KLHL24: variants seen among roughly 807,000 people sequenced by gnomAD.
KLHL24 encodes the protein kelch like family member 24, also known as kelch-like protein 24.
KLHL24 carries 29 observed loss-of-function variants against 53.4 expected under a neutral mutation model. That is an observed-to-expected ratio of 0.54 (90% CI 0.40 to 0.74). The LOEUF (loss-of-function observed/expected upper bound fraction) is 0.74. KLHL24 is among the 30% of genes least tolerant of loss of function. KLHL24 has a pLI of 0.00. For synonymous variants in KLHL24, 222 were observed against 253.7 expected (o/e 0.88, Z 1.19); for missense variants, 504 against 744.0 (o/e 0.68, Z 3.75).
At position 183,681,137 on chromosome 3, in the gene KLHL24, T is replaced by C. The variant is rs1479013999; in HGVS notation, c.*1851T>C. The stretch of plus-strand genomic sequence containing the variant: ...TGATAACAACAATTCAGAAAACAAT[T>C]TTCTATCCTCTTAGTTGAAAGAATG... On this transcript the variant is annotated 3_prime_UTR_variant, in exon 8 of 8. Transcript: ENST00000242810. 6.6e-6 allele frequency: 1 copy of C among 152,134 alleles called. No homozygotes were observed. The highest frequency in any genetic ancestry group is 1.5e-5 in the Non-Finnish European group (1 of 67,986). 9.4% of individuals were successfully genotyped at this position (152,134 alleles called of 1,614,324 possible).
chr3:183,662,376 A>G (rs1193809445), intron 3 of KLHL24, among the ~76,000 whole-genome samples: 5 of 151,216 alleles, frequency 3.3e-5, no homozygotes, highest in Non-Finnish European at 7.4e-5. Context: ...ATTACAAATC[A>G]GTGTCCTGAT....
At chr3:183,660,289 CCTGA>C (rs1201007009) in intron 3 of KLHL24, among the ~76,000 whole-genome samples, 1 of 151,980 alleles carries the variant, frequency 6.6e-6, no homozygotes, top group Non-Finnish European at 1.5e-5. Flanking sequence ...CGCCACCATG[CCTGA>C]CTAATTTTTG....
In KLHL24 at chr3:183,650,872, G is replaced by A. The variant is rs750732230; in HGVS notation, c.516G>A (p.Gln172=). 3 of 1,614,106 alleles carry A rather than the reference G, an allele frequency of 1.9e-6. No homozygotes were observed. Among genetic ancestry groups the A allele is most frequent in the Non-Finnish European group, 2.5e-6 (3 of 1,180,030 alleles). The change falls in exon 3 of 8, where the codon CAG becomes CAA. Residue 172 remains glutamine (Q), a synonymous_variant. Coordinates refer to ENST00000242810, the MANE Select transcript of KLHL24 (RefSeq NM_017644.3). This position sits in a 1 kb window ranked among gnomAD's most constrained non-coding sequence, Gnocchi z 4.5. The part of the protein sequence containing the change: ...QLDPCNCLGI[Q]RFADTHSLKT... ...ATCCTTGTAATTGCTTAGGAATCCA[G>A]CGCTTTGCTGATACCCATTCACTCA...
chr3:183,668,574 G>A (rs1204678293), intron 5 of KLHL24, among the ~76,000 whole-genome samples: 1 of 152,192 alleles, frequency 6.6e-6, no homozygotes, highest in Non-Finnish European at 1.5e-5. Flanking sequence ...ACTCCCCAGT[G>A]TAACTTAGAA....
intron 6 of KLHL24, among the ~76,000 whole-genome samples, chr3:183,671,995 C>G (rs193215235): frequency 6.6e-6 from 1 of 152,238 alleles, no homozygotes; most frequent in African/African-American, 2.4e-5. Context: ...GCATAGTTAT[C>G]CTACATAACA....
chr3:183,641,934 A>T (rs900313991), intron 1 of KLHL24, among the ~76,000 whole-genome samples: 2 of 152,210 alleles, frequency 1.3e-5, no homozygotes, highest in Non-Finnish European at 2.9e-5. Flanking sequence ...CTAAAAATCC[A>T]TAGAAAATGT....
In KLHL24 at chr3:183,651,308, A is replaced by G; in HGVS notation, c.920+32A>G. The G allele has an allele frequency of 5.2e-6, 8 of 1,531,114 alleles. No individual in the cohort carries two copies. The South Asian group carries it at 8.3e-5, about 16-fold the overall frequency. The allele number at this position is 1,531,114 out of a possible 1,614,324, so 94.8% of individuals were successfully genotyped here. A position where few individuals can be genotyped will look rare whatever the true frequency, so the allele number is the denominator to read the frequency against. On this transcript the variant is annotated intron_variant, in intron 3 of 7. Coordinates refer to ENST00000242810, the MANE Select transcript of KLHL24 (RefSeq NM_017644.3). The stretch of plus-strand genomic sequence containing the variant: ...AGACTGTTTTCAAATATAGTTAACA[A>G]AAGTTTTTAATATATCTTTAAACCT...
intron 5 of KLHL24, among the ~76,000 whole-genome samples, chr3:183,670,520 G>A (rs1448553357): frequency 3.3e-5 from 5 of 151,992 alleles, no homozygotes; most frequent in Non-Finnish European, 7.4e-5. Context: ...GGTATTGTAC[G>A]GACTAAAAGA....
At chr3:183,654,280 C>T (rs1718546048) in intron 3 of KLHL24, among the ~76,000 whole-genome samples, 1 of 152,034 alleles carries the variant, frequency 6.6e-6, no homozygotes, top group Non-Finnish European at 1.5e-5. Context: ...GGTTCTTACT[C>T]CTACATCTAG....
intron 2 of KLHL24, among the ~76,000 whole-genome samples, chr3:183,647,124 TAA>T (rs376372259): frequency 0.037 from 5,120 of 138,518 alleles, 221 homozygotes; most frequent in East Asian, 0.16. Context: ...TTGCAACTCT[TAA>T]AAAAAAAAAA....
At chr3:183,678,025 T>A (rs931827242) in intron 7 of KLHL24, among the ~76,000 whole-genome samples, 2 of 152,204 alleles carry the variant, frequency 1.3e-5, no homozygotes, top group Non-Finnish European at 1.5e-5. Flanking sequence ...ACTCTTGATC[T>A]CAAGTGATCC....
intron 1 of KLHL24, chr3:183,636,422 T>C (rs1020680317): frequency 1.3e-5 from 2 of 152,096 alleles, no homozygotes; most frequent in African/African-American, 4.8e-5. Flanking sequence ...CGAGCCTTTG[T>C]TTACCACGAT....
chr3:183,663,776 C>A lies in KLHL24; in HGVS notation c.1105+134C>A. 1 of 522,376 alleles carries A rather than the reference C, an allele frequency of 1.9e-6. No homozygotes were observed. Among genetic ancestry groups the A allele is most frequent in the Non-Finnish European group, 3.1e-6 (1 of 323,624 alleles). 32.4% of individuals were successfully genotyped at this position (522,376 alleles called of 1,614,324 possible). A position where few individuals can be genotyped will look rare whatever the true frequency, so the allele number is the denominator to read the frequency against. The stretch of plus-strand genomic sequence containing the variant: ...AAGATCAGTTTACAACAAATAAAAC[C>A]AAGAATGACTTTTTGCTCTTAAAAA... On this transcript the variant is annotated intron_variant, in intron 4 of 7. Coordinates refer to ENST00000242810, the MANE Select transcript of KLHL24 (RefSeq NM_017644.3). The surrounding 1 kb of genome is among the most constrained non-coding windows in gnomAD (Gnocchi z 4.9).
At position 183,651,224 on chromosome 3, in the gene KLHL24, C is replaced by T. The variant is rs1361305547; in HGVS notation, c.868C>T (p.Arg290Trp). The change falls in exon 3 of 8, where the codon CGG (arginine) becomes TGG (tryptophan). Residue 290 changes from arginine (R) to tryptophan (W), a missense_variant. Physicochemically the swap from Arg to Trp is moderately radical, Grantham distance 101. Coordinates refer to ENST00000242810, the MANE Select transcript of KLHL24 (RefSeq NM_017644.3). ...ECYQLLHEAR[R>W]YHILGNEMMS... ...TTATCAGTTGTTGCATGAAGCAAGA[C>T]GGTACCACATACTTGGGAATGAAAT... The T allele has an allele frequency of 3.1e-6, 5 of 1,614,022 alleles. No individual in the cohort carries two copies. The highest frequency in any genetic ancestry group is 1.3e-5 in the African/African-American group (1 of 74,920).
chr3:183,651,348 C>T (rs1352071066), intron 3 of KLHL24, 72 bp downstream of exon 3: 9 of 1,060,092 alleles, frequency 8.5e-6, no homozygotes, highest in Non-Finnish European at 1.2e-5. Flanking sequence ...AATGCAATCT[C>T]AGTGTTGTCA....
intron 6 of KLHL24, among the ~76,000 whole-genome samples, 175 bp downstream of exon 6, chr3:183,671,397 G>C (rs183857225): frequency 1.8e-4 from 28 of 152,274 alleles, no homozygotes; most frequent in Middle Eastern, 3.4e-3. Flanking sequence ...TGAGACTCTA[G>C]TATATCTAAC....
intron 3 of KLHL24, among the ~76,000 whole-genome samples, chr3:183,654,940 A>G (rs1718639356): frequency 6.6e-6 from 1 of 152,246 alleles, no homozygotes; most frequent in African/African-American, 2.4e-5. Context: ...ATATTGCATC[A>G]TATTAGGAGT....
chr3:183,663,438 G>A lies in KLHL24; in HGVS notation c.921-20G>A, dbSNP rs781485610. 18 of 1,281,624 alleles carry A rather than the reference G, an allele frequency of 1.4e-5. No homozygotes were observed. The highest frequency in any genetic ancestry group is 3.7e-5 in the South Asian group (2 of 53,356). 79.4% of individuals were successfully genotyped at this position (1,281,624 alleles called of 1,614,324 possible). On this transcript the variant is annotated intron_variant, in intron 3 of 7. Coordinates refer to ENST00000242810, the MANE Select transcript of KLHL24 (RefSeq NM_017644.3). The surrounding 1 kb of genome is among the most constrained non-coding windows in gnomAD (Gnocchi z 4.9). ...TAATATTATTATATTATTTATGTACGCTAATAATTATTATTTTAGGTCCAC... is the reference window on the plus strand; with the variant it reads ...TAATATTATTATATTATTTATGTACACTAATAATTATTATTTTAGGTCCAC...
chr3:183,649,770 C>T (rs1717872433), intron 2 of KLHL24, among the ~76,000 whole-genome samples: 1 of 151,872 alleles, frequency 6.6e-6, no homozygotes, highest in African/African-American at 2.4e-5. Flanking sequence ...GTGGTACGCA[C>T]ACATAGTCAC....
Sources: gnomAD v4.1 joint callset for allele counts (sites outside exome capture counted in the v4.1 genomes callset) on GRCh38, gnomAD v4.1.1 for gene constraint, Gnocchi (gnomAD v3.1) non-coding constraint, MANE v1.5 for transcripts, NCBI Gene and HGNC (gene_info 2026-07-23, HGNC 2026-07-21) for gene names.